ADAMTSL3: variants seen among roughly 807,000 people sequenced by gnomAD.
ADAMTSL3 encodes ADAMTS-like protein 3.
In ADAMTSL3, 128 loss-of-function variants were observed where a neutral mutation model predicts 201.7. That is an observed-to-expected ratio of 0.63 (90% CI 0.55 to 0.73). The LOEUF (loss-of-function observed/expected upper bound fraction) is 0.73, where lower values mean the gene tolerates loss of function less well. Ranked by LOEUF, ADAMTSL3 falls within the 30% of genes least tolerant of loss-of-function variation. ADAMTSL3 has a pLI of 0.00. For synonymous variants in ADAMTSL3, 738 were observed against 748.4 expected, an observed-to-expected ratio of 0.99 and a Z score of 0.23; for missense variants, 1,990 against 2,119.6, an observed-to-expected ratio of 0.94 and a Z score of 1.20.
At chr15:83,664,203 C>G (rs1400540041) in intron 2 of ADAMTSL3, among the ~76,000 whole-genome samples, 1 of 152,040 alleles carries the variant, frequency 6.6e-6, no homozygotes, top group Non-Finnish European at 1.5e-5. Flanking sequence ...TAAATGTAAA[C>G]ATTAAAAATA....
intron 19 of ADAMTSL3, chr15:83,962,433 T>C (rs2066990590): frequency 6.6e-6 from 1 of 152,240 alleles, no homozygotes; most frequent in Admixed American, 6.5e-5. Flanking sequence ...TGTTGGTTTA[T>C]TTAATCTTCT....
At chr15:83,700,359 C>G (rs553474179) in intron 2 of ADAMTSL3, among the ~76,000 whole-genome samples, 4 of 152,200 alleles carry the variant, frequency 2.6e-5, no homozygotes, top group Non-Finnish European at 5.9e-5. Context: ...GGAATAGTCA[C>G]TGTCAGATTT....
chr15:84,022,230 A>AT (rs1207745607), intron 26 of ADAMTSL3, among the ~76,000 whole-genome samples: 1 of 151,578 alleles, frequency 6.6e-6, no homozygotes, highest in Non-Finnish European at 1.5e-5. Context: ...CCAAGCCGTC[A>AT]TTTTTTCTTA....
chr15:83,942,090 C>A (rs1016623083), intron 17 of ADAMTSL3, among the ~76,000 whole-genome samples: 1 of 152,108 alleles, frequency 6.6e-6, no homozygotes, highest in Admixed American at 6.5e-5. Context: ...ATGAGAAAAC[C>A]TGATTTTTCC....
chr15:83,891,469 G>A (rs1567218042), intron 12 of ADAMTSL3, 90 bp downstream of exon 12: 2 of 1,079,340 alleles, frequency 1.9e-6, no homozygotes, highest in South Asian at 2.6e-5. Flanking sequence ...ATGTATGAGG[G>A]TTAGATATTA....
chr15:83,828,938 T>C (rs1226122327), intron 6 of ADAMTSL3, among the ~76,000 whole-genome samples: 2 of 152,246 alleles, frequency 1.3e-5, no homozygotes, highest in Admixed American at 6.5e-5. Flanking sequence ...CAGAATTTTA[T>C]TGAGGATTTC....
intron 17 of ADAMTSL3, among the ~76,000 whole-genome samples, chr15:83,926,997 T>G (rs1003739447): frequency 1.3e-5 from 2 of 152,196 alleles, no homozygotes; most frequent in African/African-American, 4.8e-5. Context: ...CTACTGTCTT[T>G]TCCAAAAATG....
chr15:83,852,907 A>G (rs1228242251), intron 7 of ADAMTSL3, among the ~76,000 whole-genome samples: 1 of 152,048 alleles, frequency 6.6e-6, no homozygotes, highest in Non-Finnish European at 1.5e-5. Flanking sequence ...CCCAGGCTGG[A>G]ATGCAGTGGC....
At chr15:83,722,630 A>T (rs2062116664) in intron 3 of ADAMTSL3, among the ~76,000 whole-genome samples, 1 of 152,220 alleles carries the variant, frequency 6.6e-6, no homozygotes, top group Non-Finnish European at 1.5e-5. Flanking sequence ...ACTCTTCTGA[A>T]GAAATTATTC....
chr15:83,975,767 G>C (rs886511811), intron 20 of ADAMTSL3, among the ~76,000 whole-genome samples: 2 of 152,082 alleles, frequency 1.3e-5, no homozygotes, highest in African/African-American at 4.8e-5. Context: ...TGGTAAGTTT[G>C]GGGGAACTTC....
intron 7 of ADAMTSL3, among the ~76,000 whole-genome samples, chr15:83,857,550 G>A (rs990100970): frequency 6.6e-6 from 1 of 152,028 alleles, no homozygotes. Context: ...TGGACATTTA[G>A]GTACGGTTCA....
At chr15:83,963,382 A>G (rs2067010548) in intron 19 of ADAMTSL3, among the ~76,000 whole-genome samples, 1 of 152,180 alleles carries the variant, frequency 6.6e-6, no homozygotes, top group Admixed American at 6.5e-5. Flanking sequence ...AGTGTAAACA[A>G]AGCCTCTGGG....
At chr15:83,665,157 C>T (rs369373270) in intron 2 of ADAMTSL3, among the ~76,000 whole-genome samples, 2 of 152,008 alleles carry the variant, frequency 1.3e-5, no homozygotes, top group Non-Finnish European at 2.9e-5. Flanking sequence ...AGGATATGAA[C>T]GTGGGGATGA....
rs2065688195 is a variant in ADAMTSL3, at chr15:83,899,777, A to G, written c.1700+46A>G. The G allele has an allele frequency of 1.9e-6, 3 of 1,581,834 alleles. No individual in the cohort carries two copies. In the South Asian group the frequency reaches 3.5e-5, roughly 19 times the overall value. ...AGGAATAATCAGGGCATAGCCAGTT[A>G]ACATGATATATGTAATTTTTGTACT... On this transcript the variant is annotated intron_variant, in intron 15 of 29. Transcript: ENST00000286744.
chr15:83,879,654 A>AG, intron 9 of ADAMTSL3, among the ~76,000 whole-genome samples: 1 of 152,334 alleles, frequency 6.6e-6, no homozygotes, highest in African/African-American at 2.4e-5. Context: ...CTTGGTTTGT[A>AG]GCTCAGAATA....
chr15:83,945,738 G>A (rs1221957911), intron 19 of ADAMTSL3: 1 of 152,196 alleles, frequency 6.6e-6, no homozygotes, highest in African/African-American at 2.4e-5. Flanking sequence ...TACACTTAGT[G>A]TGGCCCAAGG....
intron 15 of ADAMTSL3, among the ~76,000 whole-genome samples, chr15:83,907,968 A>AT (rs1440501914): frequency 6.6e-6 from 1 of 152,184 alleles, no homozygotes; most frequent in Non-Finnish European, 1.5e-5. Flanking sequence ...GGTTGTCCTA[A>AT]TTTACCTTCC....
rs1596325969 is a variant in ADAMTSL3, at chr15:83,861,914, A to G, written c.802+3074A>G. 1.3e-5 allele frequency: 2 copies of G among 152,370 alleles called. 1 individual carries two copies. Among genetic ancestry groups the G allele is most frequent in the South Asian group, 4.1e-4 (2 of 4,832 alleles). The allele number at this position is 152,370 out of a possible 1,614,324, so 9.4% of individuals were successfully genotyped here. ...TGGCTAACTAGAATAACCAATGCAG[A>G]GAAGTCCTTAAAGAACCTGATGGAG... is the stretch of plus-strand genomic sequence containing the variant. On this transcript the variant is annotated intron_variant, in intron 8 of 29. Coordinates refer to ENST00000286744, the MANE Select transcript of ADAMTSL3 (RefSeq NM_207517.3).
chr15:84,030,054 T>C (rs991192540), intron 27 of ADAMTSL3, among the ~76,000 whole-genome samples: 2 of 152,214 alleles, frequency 1.3e-5, no homozygotes, highest in African/African-American at 4.8e-5. Flanking sequence ...AGACAGAAGT[T>C]TGCTGCAGGA....
Sources: gnomAD v4.1 joint callset for allele counts (sites outside exome capture counted in the v4.1 genomes callset) on GRCh38, gnomAD v4.1.1 for gene constraint, MANE v1.5 for transcripts, NCBI Gene and HGNC (gene_info 2026-07-23, HGNC 2026-07-21) for gene names.